Variants in TENM2 observed in about 807,000 individuals in gnomAD.
The protein encoded by TENM2 is teneurin transmembrane protein 2, also known as teneurin-2.
A neutral mutation model predicts 245.2 loss-of-function variants in TENM2; 52 were observed. The observed-to-expected ratio is 0.21, with a 90% CI of 0.17 to 0.27. The LOEUF (loss-of-function observed/expected upper bound fraction) is 0.27, where lower values mean the gene tolerates loss of function less well. Ranked by LOEUF, TENM2 falls within the 10% of genes least tolerant of loss-of-function variation. TENM2 has a pLI of 1.00. For synonymous variants in TENM2, 1,363 were observed against 1,438.9 expected, an observed-to-expected ratio of 0.95 and a Z score of 1.19; for missense variants, 3,046 against 3,666.8, an observed-to-expected ratio of 0.83 and a Z score of 4.37.
intron 2 of TENM2, among the ~76,000 whole-genome samples, chr5:167,699,137 T>C (rs1381616872): frequency 6.6e-6 from 1 of 152,038 alleles, no homozygotes; most frequent in South Asian, 2.1e-4. Flanking sequence ...AAAAGAAATA[T>C]ATATGACTGT....
At chr5:168,099,134 T>A (rs1793603894) in intron 9 of TENM2, among the ~76,000 whole-genome samples, 1 of 152,104 alleles carries the variant, frequency 6.6e-6, no homozygotes, top group South Asian at 2.1e-4. Flanking sequence ...GGTCTCGAAC[T>A]CCTGACCTCA....
intron 1 of TENM2, among the ~76,000 whole-genome samples, chr5:167,353,465 G>A (rs1048682557): frequency 6.7e-6 from 1 of 148,186 alleles, no homozygotes; most frequent in African/African-American, 2.5e-5. Context: ...CATGATGGCA[G>A]TGAATAGTAT....
intron 1 of TENM2, among the ~76,000 whole-genome samples, chr5:167,298,703 CTAAT>C (rs2127731974): frequency 6.6e-6 from 1 of 152,318 alleles, no homozygotes; most frequent in South Asian, 2.1e-4. Context: ...CCCAGGGCAT[CTAAT>C]TAGAGAGTGC....
intron 2 of TENM2, among the ~76,000 whole-genome samples, chr5:167,532,937 A>G (rs770959354): frequency 3.9e-5 from 6 of 151,990 alleles, no homozygotes; most frequent in Non-Finnish European, 7.4e-5. Context: ...ATATTTATCC[A>G]GTAGAAACAT....
the TENM2 span, among the ~76,000 whole-genome samples, chr5:167,036,047 A>G: frequency 6.6e-6 from 1 of 152,140 alleles, no homozygotes; most frequent in Admixed American, 6.6e-5. Flanking sequence ...CTGGCCAGAT[A>G]ATAGGATAGT....
At chr5:168,136,093 T>C (rs1249328417) in intron 12 of TENM2, among the ~76,000 whole-genome samples, 1 of 152,166 alleles carries the variant, frequency 6.6e-6, no homozygotes, top group Non-Finnish European at 1.5e-5. Context: ...GTTTATATAT[T>C]CTGACCGAGC....
At chr5:167,292,888 G>A (rs1017726172) in intron 1 of TENM2, among the ~76,000 whole-genome samples, 1 of 152,202 alleles carries the variant, frequency 6.6e-6, no homozygotes, top group Non-Finnish European at 1.5e-5. Flanking sequence ...GAGGGATGGG[G>A]AGGAGGTTGG....
intron 21 of TENM2, 23 bp downstream of exon 23, chr5:168,215,295 C>T: frequency 6.3e-7 from 1 of 1,593,838 alleles, no homozygotes; most frequent in Non-Finnish European, 8.6e-7. Context: ...AAGGAAGAGT[C>T]TCCCGCCCCA....
intron 3 of TENM2, among the ~76,000 whole-genome samples, chr5:167,929,672 T>C (rs1032472946): frequency 6.6e-6 from 1 of 152,170 alleles, no homozygotes; most frequent in Admixed American, 6.5e-5. Context: ...AGATTGCCCA[T>C]AGAATGGCTT....
At chr5:167,455,369 A>G (rs1323914479) in intron 2 of TENM2, among the ~76,000 whole-genome samples, 1 of 151,720 alleles carries the variant, frequency 6.6e-6, no homozygotes, top group East Asian at 1.9e-4. Flanking sequence ...AAAATATCGA[A>G]TTTCCTGAAA....
chr5:167,812,357 G>A (rs1766705124), intron 2 of TENM2, among the ~76,000 whole-genome samples: 1 of 152,120 alleles, frequency 6.6e-6, no homozygotes, highest in Non-Finnish European at 1.5e-5. Context: ...TGATAATTGT[G>A]CAAGTTTGCC....
At chr5:167,517,358 C>T (rs1393043789) in intron 2 of TENM2, among the ~76,000 whole-genome samples, 4 of 152,062 alleles carry the variant, frequency 2.6e-5, no homozygotes, top group Admixed American at 2.6e-4. Flanking sequence ...AAAGTTTGGG[C>T]ATTTACAAAT....
At chr5:168,030,626 G>A (rs1787059839) in intron 5 of TENM2, among the ~76,000 whole-genome samples, 1 of 152,022 alleles carries the variant, frequency 6.6e-6, no homozygotes, top group South Asian at 2.1e-4. Flanking sequence ...GGGCAGGAGT[G>A]GTCTCTTCAG....
intron 2 of TENM2, among the ~76,000 whole-genome samples, chr5:167,749,093 A>G (rs890328919): frequency 1.3e-5 from 2 of 152,146 alleles, no homozygotes; most frequent in East Asian, 3.9e-4. Context: ...GAAATTAGAC[A>G]TACTGGTTTC....
the TENM2 span, among the ~76,000 whole-genome samples, chr5:167,135,725 G>A: frequency 6.6e-6 from 1 of 152,110 alleles, no homozygotes; most frequent in Non-Finnish European, 1.5e-5. Context: ...AGTGAGCCAA[G>A]GCCGAGGTTG....
intron 12 of TENM2, among the ~76,000 whole-genome samples, chr5:168,131,084 CAAG>C (rs1008065686): frequency 1.3e-5 from 2 of 152,118 alleles, no homozygotes; most frequent in Admixed American, 6.5e-5. Flanking sequence ...GGGCAAAATG[CAAG>C]AAGAAGCCAA....
chr5:167,533,214 A>G (rs1771628789), intron 2 of TENM2, among the ~76,000 whole-genome samples: 1 of 152,182 alleles, frequency 6.6e-6, no homozygotes, highest in Non-Finnish European at 1.5e-5. Flanking sequence ...GAAAGGGTTT[A>G]GTAAGAGTTA....
At chr5:168,052,513 C>T (rs78615943) in intron 6 of TENM2, among the ~76,000 whole-genome samples, 1,906 of 151,952 alleles carry the variant, frequency 0.013, 42 homozygotes, top group African/African-American at 0.044. Context: ...AAGGTGAAGA[C>T]GGCCTTCAGA....
chr5:167,774,028 T>A (rs1419649425), intron 2 of TENM2, among the ~76,000 whole-genome samples: 2 of 152,008 alleles, frequency 1.3e-5, no homozygotes, highest in African/African-American at 4.8e-5. Flanking sequence ...TATAAGGGCA[T>A]GCCTAGAAGA....
Sources: gnomAD v4.1 joint callset for allele counts (sites outside exome capture counted in the v4.1 genomes callset) on GRCh38, gnomAD v4.1.1 for gene constraint, MANE v1.5 for transcripts, NCBI Gene and HGNC (gene_info 2026-07-23, HGNC 2026-07-21) for gene names.